Variants in KSR2 observed in about 807,000 individuals in gnomAD.
KSR2 encodes the protein kinase suppressor of ras 2.
Under a neutral mutation model 107.8 loss-of-function variants are expected in KSR2, and 25 were observed. That is an observed-to-expected ratio of 0.23 (90% CI 0.17 to 0.32). The LOEUF (loss-of-function observed/expected upper bound fraction) is 0.32, where lower values mean the gene tolerates loss of function less well. Among genes scored for constraint, KSR2 ranks in the 10% least tolerant of loss-of-function variants. The pLI, the probability that KSR2 is intolerant of heterozygous loss-of-function variation, is 1.00. For missense variants in KSR2, 887 were observed against 1,268.9 expected, an observed-to-expected ratio of 0.70 and a Z score of 4.57; for synonymous variants, 480 against 507.0, an observed-to-expected ratio of 0.95 and a Z score of 0.71.
At chr12:117,566,552 C>T (rs561810768) in intron 7 of KSR2, among the ~76,000 whole-genome samples, 2 of 152,288 alleles carry the variant, frequency 1.3e-5, no homozygotes, top group African/African-American at 4.8e-5. Flanking sequence ...CATGTTCGTG[C>T]AAAGGACATG....
intron 6 of KSR2, among the ~76,000 whole-genome samples, chr12:117,579,900 C>T (rs958411491): frequency 6.6e-6 from 1 of 152,118 alleles, no homozygotes; most frequent in Admixed American, 6.5e-5. Flanking sequence ...GAGGTGCATT[C>T]GATTAACTCC....
intron 1 of KSR2, among the ~76,000 whole-genome samples, chr12:117,922,889 C>T (rs1895384814): frequency 6.6e-6 from 1 of 152,106 alleles, no homozygotes; most frequent in African/African-American, 2.4e-5. Flanking sequence ...TATTTGTAAC[C>T]CCAATATCAA....
chr12:117,471,159 T>G, intron 18 of KSR2, 32 bp downstream of exon 18: 1 of 1,610,284 alleles, frequency 6.2e-7, no homozygotes, highest in Non-Finnish European at 8.5e-7. Context: ...TCTCCCCTCA[T>G]CCCCCAAGTC....
At chr12:117,786,407 T>C (rs1040349911) in intron 3 of KSR2, among the ~76,000 whole-genome samples, 4 of 152,130 alleles carry the variant, frequency 2.6e-5, no homozygotes, top group African/African-American at 9.7e-5. Flanking sequence ...TGGGAGTTTG[T>C]TGTACAGATT....
chr12:117,961,634 G>A (rs1349939927), intron 1 of KSR2, among the ~76,000 whole-genome samples: 1 of 152,160 alleles, frequency 6.6e-6, no homozygotes, highest in African/African-American at 2.4e-5. Context: ...GGGAGAGAAA[G>A]TCTCAGCTTT....
At chr12:117,621,741 C>T (rs1593060589) in intron 5 of KSR2, among the ~76,000 whole-genome samples, 1 of 152,086 alleles carries the variant, frequency 6.6e-6, no homozygotes, top group Non-Finnish European at 1.5e-5. Context: ...GTGAAGAGTA[C>T]ATAGGAACTC....
chr12:117,625,919 G>A (rs1258022643), intron 5 of KSR2, among the ~76,000 whole-genome samples: 1 of 152,110 alleles, frequency 6.6e-6, no homozygotes, highest in East Asian at 1.9e-4. Context: ...TTTCTTCCTG[G>A]TTTAGACTTG....
intron 1 of KSR2, among the ~76,000 whole-genome samples, chr12:117,896,676 G>A (rs570085955): frequency 2.6e-5 from 4 of 151,996 alleles, no homozygotes; most frequent in Middle Eastern, 3.4e-3. Context: ...GCCAGGCTGC[G>A]CTCGAACTCC....
Position 117,476,971 on chromosome 12 carries a change from C to G in KSR2, c.2451-376G>C, listed in dbSNP as rs548399517. On this transcript the variant is annotated intron_variant, in intron 16 of 19. Coordinates refer to ENST00000339824, the MANE Select transcript of KSR2 (RefSeq NM_173598.6). ...GAAATATGTACACATGCACACACCCCCTCACATAGTTTATAATTTTAACCC... is the reference window on the plus strand; with the variant it reads ...GAAATATGTACACATGCACACACCCGCTCACATAGTTTATAATTTTAACCC... 1.0e-3 allele frequency among the ~76,000 whole-genome samples: 154 copies of G among 152,316 alleles called. 1 individual carries two copies. Among genetic ancestry groups the G allele is most frequent in the African/African-American group, 3.6e-3 (149 of 41,572 alleles).
chr12:117,811,085 G>A (rs1266094075), intron 3 of KSR2, among the ~76,000 whole-genome samples: 2 of 152,126 alleles, frequency 1.3e-5, no homozygotes, highest in Non-Finnish European at 2.9e-5. Flanking sequence ...CCCTTTTGGT[G>A]ACTGGTGCTT....
intron 17 of KSR2, 49 bp downstream of exon 17, chr12:117,476,411 GTGCC>G: frequency 1.3e-6 from 2 of 1,507,548 alleles, no homozygotes; most frequent in South Asian, 2.6e-5. Flanking sequence ...GACTTGAGAA[GTGCC>G]CCTCTGCCCA....
chr12:117,578,693 A>G (rs1052608566), intron 7 of KSR2, among the ~76,000 whole-genome samples: 6 of 151,954 alleles, frequency 3.9e-5, no homozygotes, highest in Admixed American at 3.3e-4. Context: ...GGCCACAGCC[A>G]GCCTGCAGTC....
At chr12:117,517,537 T>A (rs1016150613) in intron 14 of KSR2, among the ~76,000 whole-genome samples, 2 of 152,214 alleles carry the variant, frequency 1.3e-5, no homozygotes, top group South Asian at 4.1e-4. Context: ...TCTTCAGCCA[T>A]GCAAATCCTC....
chr12:117,665,740 C>T (rs2136479043), intron 5 of KSR2, among the ~76,000 whole-genome samples: 1 of 152,360 alleles, frequency 6.6e-6, no homozygotes, highest in Non-Finnish European at 1.5e-5. Context: ...ATCCTCACAA[C>T]TGTCTACAAG....
At chr12:117,730,782 T>C (rs926142241) in intron 4 of KSR2, among the ~76,000 whole-genome samples, 9 of 152,228 alleles carry the variant, frequency 5.9e-5, no homozygotes, top group African/African-American at 1.9e-4. Context: ...GGTGCCGGGA[T>C]TGCAGACGGA....
chr12:117,518,206 C>A (rs1874510399), intron 14 of KSR2, among the ~76,000 whole-genome samples: 1 of 152,102 alleles, frequency 6.6e-6, no homozygotes, highest in African/African-American at 2.4e-5. Flanking sequence ...CTCTGGGAAC[C>A]CAGCGAGGGG....
chr12:117,867,336 T>G (rs569408127), intron 1 of KSR2, among the ~76,000 whole-genome samples: 1 of 151,594 alleles, frequency 6.6e-6, no homozygotes, highest in East Asian at 1.9e-4. Context: ...AAGGGAAAAT[T>G]CCCTAAACAC....
intron 1 of KSR2, among the ~76,000 whole-genome samples, chr12:117,965,793 G>A (rs547079220): frequency 2.0e-5 from 3 of 152,310 alleles, no homozygotes; most frequent in Non-Finnish European, 4.4e-5. Flanking sequence ...AATCTCTAGG[G>A]TTAGAGGCTA....
intron 14 of KSR2, among the ~76,000 whole-genome samples, chr12:117,497,248 T>C (rs772316306): frequency 1.3e-5 from 2 of 152,182 alleles, no homozygotes; most frequent in Non-Finnish European, 2.9e-5. Flanking sequence ...TTTGCTCGAA[T>C]GAGCTGACAT....
Sources: allele counts gnomAD v4.1 joint callset (sites outside exome capture counted in the v4.1 genomes callset), GRCh38; gene constraint gnomAD v4.1.1; transcripts MANE v1.5; gene names NCBI Gene and HGNC (gene_info 2026-07-23, HGNC 2026-07-21).